Variants in LRPPRC observed in about 807,000 individuals in gnomAD.
LRPPRC encodes leucine rich pentatricopeptide repeat containing.
In LRPPRC, 120 loss-of-function variants were observed where a neutral mutation model predicts 180.3. The observed-to-expected ratio is 0.67, with a 90% CI of 0.57 to 0.77. The LOEUF (loss-of-function observed/expected upper bound fraction) is 0.77. Ranked by LOEUF, LRPPRC falls within the 30% of genes least tolerant of loss-of-function variation. The pLI is 0.00. For missense variants in LRPPRC, 2,012 were observed against 1,657.2 expected (o/e 1.21, Z -3.72); for synonymous variants, 723 against 600.0 (o/e 1.21, Z -3.00).
chr2:43,969,409 C>CAA, intron 11 of LRPPRC, among the ~76,000 whole-genome samples: 1 of 113,102 alleles, frequency 8.8e-6, no homozygotes, highest in South Asian at 3.0e-4. Flanking sequence ...GACTCCATCT[C>CAA]AAAAAAAAAA....
intron 3 of LRPPRC, among the ~76,000 whole-genome samples, chr2:43,978,907 G>A (rs570151629): frequency 6.6e-6 from 1 of 152,166 alleles, no homozygotes; most frequent in African/African-American, 2.4e-5. Flanking sequence ...GCTAATTACT[G>A]TGAGCTGATT....
chr2:43,915,198 ACT>A (rs142492838), intron 29 of LRPPRC, among the ~76,000 whole-genome samples: 90 of 63,432 alleles, frequency 1.4e-3, no homozygotes, highest in African/African-American at 2.5e-3. Context: ...ACAGAACAAG[ACT>A]CTCTCTCTCT....
intron 29 of LRPPRC, among the ~76,000 whole-genome samples, chr2:43,915,665 C>T (rs770791535): frequency 6.6e-6 from 1 of 152,114 alleles, no homozygotes; most frequent in African/African-American, 2.4e-5. Flanking sequence ...GGTGACAGAG[C>T]AAGACTCCTT....
chr2:43,909,363 T>C (rs1157537776), intron 30 of LRPPRC, among the ~76,000 whole-genome samples: 1 of 138,214 alleles, frequency 7.2e-6, no homozygotes, highest in Non-Finnish European at 1.6e-5. Flanking sequence ...CCCTGGTGGA[T>C]AACACAGCTA....
intron 29 of LRPPRC, among the ~76,000 whole-genome samples, chr2:43,913,068 T>C (rs1482805118): frequency 6.6e-6 from 1 of 152,186 alleles, no homozygotes; most frequent in African/African-American, 2.4e-5. Flanking sequence ...CCTATAATTC[T>C]AAAATTAGGA....
At position 43,939,164 on chromosome 2, in the gene LRPPRC, C is replaced by T. The variant is rs1672383123; in HGVS notation, c.2505-4286G>A. 5.9e-5 allele frequency among the ~76,000 whole-genome samples: 9 copies of T among 151,594 alleles called. No homozygotes were observed. In the South Asian group the frequency reaches 1.9e-3, roughly 32 times the overall value. On this transcript the variant is annotated intron_variant, in intron 23 of 37. Coordinates refer to ENST00000260665, the MANE Select transcript of LRPPRC (RefSeq NM_133259.4). ...GGCGTGGCGGTGAGCACCTGTAGTC[C>T]CAGCTACTCGGGAGGCTGAGGCAGG...
chr2:43,982,194 G>T, intron 2 of LRPPRC, 44 bp downstream of exon 2: 2 of 1,423,900 alleles, frequency 1.4e-6, no homozygotes, highest in South Asian at 2.8e-5. Context: ...GAGCCACTGT[G>T]ACCAGCCAAA....
intron 15 of LRPPRC, among the ~76,000 whole-genome samples, chr2:43,949,918 C>T (rs1309147059): frequency 6.6e-6 from 1 of 152,142 alleles, no homozygotes; most frequent in Non-Finnish European, 1.5e-5. Flanking sequence ...AGACTCTAAA[C>T]TGATTTATAA....
chr2:43,909,391 G>GT (rs1221840119), intron 30 of LRPPRC, among the ~76,000 whole-genome samples: 4 of 152,092 alleles, frequency 2.6e-5, no homozygotes, highest in Admixed American at 2.0e-4. Context: ...AGTCTCACTT[G>GT]TATGTCAAAC....
chr2:43,926,939 AAAC>A (rs1296799170), intron 25 of LRPPRC, among the ~76,000 whole-genome samples: 2 of 152,260 alleles, frequency 1.3e-5, no homozygotes, highest in African/African-American at 4.8e-5. Flanking sequence ...CAGTTCAATT[AAAC>A]AACTGAGACA....
chr2:43,905,679 C>G lies in LRPPRC; in HGVS notation c.3364+13G>C. 2 of 1,590,838 alleles carry G rather than the reference C, an allele frequency of 1.3e-6. No homozygotes were observed. Among genetic ancestry groups the G allele is most frequent in the East Asian group, 2.2e-5 (1 of 44,738 alleles). On this transcript the variant is annotated intron_variant, in intron 31 of 37. Transcript: ENST00000260665. Reference sequence around the variant, plus strand: ...GCATTAATGTGACGTAAAGGTCAAGCATTGTGACATACCTTTCAAATAATC... The same window carrying G: ...GCATTAATGTGACGTAAAGGTCAAGGATTGTGACATACCTTTCAAATAATC...
chr2:43,912,481 A>G lies in LRPPRC; in HGVS notation c.3226T>C (p.Leu1076=). ...NAETYSNLIK[L]LMSEDYFTQA... is the part of the protein sequence containing the mutation. ...GTAAAATAATCTTCTGACATCAGTAATTTAATGAGATTGCTGTAGGTTTCA... is the reference window on the plus strand; with the variant it reads ...GTAAAATAATCTTCTGACATCAGTAGTTTAATGAGATTGCTGTAGGTTTCA... Residue 1076 remains leucine, a synonymous_variant, in exon 30 of 38, where the codon TTA becomes CTA. Transcript: ENST00000260665. The G allele has an allele frequency of 1.3e-6, 2 of 1,599,990 alleles. No individual in the cohort carries two copies. Among genetic ancestry groups the G allele is most frequent in the Non-Finnish European group, 1.7e-6 (2 of 1,167,386 alleles).
chr2:43,901,576 T>A, intron 31 of LRPPRC, 52 bp from the exon 32 acceptor site: 1 of 1,181,848 alleles, frequency 8.5e-7, no homozygotes, highest in Non-Finnish European at 1.3e-6. Context: ...GTGCTGACTT[T>A]AATGCATTTT....
At chr2:43,966,340 A>G (rs778800768) in intron 11 of LRPPRC, among the ~76,000 whole-genome samples, 11 of 152,100 alleles carry the variant, frequency 7.2e-5, no homozygotes, top group Non-Finnish European at 8.8e-5. Context: ...TATACGGTAA[A>G]TAAGTTCTGG....
chr2:43,960,702 T>G (rs1221736000), intron 12 of LRPPRC, 68 bp from the exon 13 acceptor site: 1 of 811,892 alleles, frequency 1.2e-6, no homozygotes, highest in Non-Finnish European at 2.2e-6. Context: ...CCAAAGATCC[T>G]GTTTTCCTGA....
chr2:43,959,939 A>C (rs531850432), intron 13 of LRPPRC, among the ~76,000 whole-genome samples: 1 of 152,316 alleles, frequency 6.6e-6, no homozygotes, highest in East Asian at 1.9e-4. Flanking sequence ...GAACAAAGCT[A>C]AAGTCTGAAC....
intron 3 of LRPPRC, 118 bp from the exon 4 acceptor site, chr2:43,977,394 C>A: frequency 1.3e-6 from 1 of 765,878 alleles, no homozygotes; most frequent in African/African-American, 1.7e-5. Context: ...TTCACCCATC[C>A]ATCTTGGCGC....
At chr2:43,941,475 T>C (rs748360347) in intron 23 of LRPPRC, among the ~76,000 whole-genome samples, 5 of 152,200 alleles carry the variant, frequency 3.3e-5, no homozygotes, top group Admixed American at 6.5e-5. Context: ...GATGAGCTCA[T>C]ACCTGCTGAG....
At chr2:43,889,049 G>A (rs1670379020) in intron 37 of LRPPRC, among the ~76,000 whole-genome samples, 2 of 152,162 alleles carry the variant, frequency 1.3e-5, no homozygotes, top group East Asian at 1.9e-4. Context: ...GGGCACAGTG[G>A]CTCACGCCTG....
Sources: gnomAD v4.1 joint callset for allele counts (sites outside exome capture counted in the v4.1 genomes callset) on GRCh38, gnomAD v4.1.1 for gene constraint, MANE v1.5 for transcripts, NCBI Gene and HGNC (gene_info 2026-07-23, HGNC 2026-07-21) for gene names.